The following ARL8B variants were observed in gnomAD, a reference collection of about 807,000 sequenced individuals.
ARL8B encodes ARF like GTPase 8B.
Under a neutral mutation model 30.6 loss-of-function variants are expected in ARL8B, and 9 were observed. That is an observed-to-expected ratio of 0.29 (90% confidence interval 0.18 to 0.51). The LOEUF is 0.51. Ranked by LOEUF, ARL8B falls within the 20% of genes least tolerant of loss-of-function variation. The probability of loss-of-function intolerance (pLI) is 0.97; values close to 1 mark genes in which losing one functional copy is unlikely to be tolerated. For synonymous variants in ARL8B, 74 were observed against 76.0 expected (o/e 0.97, Z 0.14); for missense variants, 130 against 227.2 (o/e 0.57, Z 2.75).
chr3:5,174,742 A>AATATATAATATATATAAATATATATT (rs2054712714), intron 6 of ARL8B, among the ~76,000 whole-genome samples: 4 of 144,970 alleles, frequency 2.8e-5, no homozygotes, highest in Non-Finnish European at 6.0e-5. Context: ...ATATATATGT[A>AATATATAATATATATAAATATATATT]ATATATAATA....
Position 5,152,705 on chromosome 3 carries a change from C to T in ARL8B, c.124-17798C>T, listed in dbSNP as rs528934280. Among the ~76,000 whole-genome samples, 52 of 152,282 alleles carry T rather than the reference C, an allele frequency of 3.4e-4. 1 individual carries two copies. The South Asian group carries it at 4.8e-3, about 14-fold the overall frequency. On this transcript the variant is annotated intron_variant, in intron 1 of 6. Transcript: ENST00000256496. The stretch of plus-strand genomic sequence containing the variant: ...CTTGCTAGGTTGCTCAGGCTGGTCT[C>T]GAACTGCTAGCCTCAAGTGATCCTC...
chr3:5,129,910 C>T (rs1268375433), intron 1 of ARL8B, among the ~76,000 whole-genome samples: 2 of 152,138 alleles, frequency 1.3e-5, no homozygotes, highest in Non-Finnish European at 2.9e-5. Context: ...ATCACCCAGG[C>T]TGTAGTATAG....
At chr3:5,170,659 T>G in intron 2 of ARL8B, 76 bp downstream of exon 2, 2 of 1,144,256 alleles carry the variant, frequency 1.7e-6, no homozygotes, top group East Asian at 5.2e-5. Flanking sequence ...AATTTCTGTG[T>G]TTTTACTGAA....
At chr3:5,153,003 T>C (rs954828866) in intron 1 of ARL8B, among the ~76,000 whole-genome samples, 2 of 152,250 alleles carry the variant, frequency 1.3e-5, no homozygotes, top group African/African-American at 2.4e-5. Flanking sequence ...TTACCTTTGC[T>C]GATTTCAGCG....
intron 1 of ARL8B, among the ~76,000 whole-genome samples, chr3:5,151,984 G>C (rs1251859589): frequency 6.6e-6 from 1 of 152,222 alleles, no homozygotes; most frequent in Admixed American, 6.5e-5. Flanking sequence ...TATCGAGACT[G>C]TAGGCATGAG....
chr3:5,128,915 A>G (rs1184894559), intron 1 of ARL8B, among the ~76,000 whole-genome samples: 1 of 152,216 alleles, frequency 6.6e-6, no homozygotes, highest in Non-Finnish European at 1.5e-5. Flanking sequence ...TTTTCTATCT[A>G]AAACATTTTT....
intron 1 of ARL8B, among the ~76,000 whole-genome samples, chr3:5,155,130 G>A (rs2054520507): frequency 6.6e-6 from 1 of 151,970 alleles, no homozygotes; most frequent in African/African-American, 2.4e-5. Context: ...TGTTTATCTG[G>A]GAATGTTTTA....
chr3:5,132,190 C>T (rs992731610), intron 1 of ARL8B, among the ~76,000 whole-genome samples: 3 of 152,090 alleles, frequency 2.0e-5, no homozygotes, highest in Non-Finnish European at 2.9e-5. Flanking sequence ...GTGCCTAAGT[C>T]CTCCCATCCT....
Position 5,179,746 on chromosome 3 carries a change from A to G in ARL8B, c.*1033A>G, listed in dbSNP as rs1246201602. On this transcript the variant is annotated 3_prime_UTR_variant, in exon 7 of 7. Transcript: ENST00000256496. ...TTTATTTTTCTCTCTTACTGATGTA[A>G]GCTTTGGCACTCTTTTGACTGGTGC... 1 of 152,518 alleles carries G rather than the reference A, an allele frequency of 6.6e-6. No individual in the cohort carries two copies. The highest frequency in any genetic ancestry group is 2.4e-5 in the African/African-American group (1 of 41,452). The allele number at this position is 152,518 out of a possible 1,614,324, so 9.4% of individuals were successfully genotyped here.
intron 1 of ARL8B, among the ~76,000 whole-genome samples, chr3:5,129,528 A>C (rs2054262930): frequency 6.6e-6 from 1 of 152,104 alleles, no homozygotes; most frequent in Non-Finnish European, 1.5e-5. Context: ...AACTGCCAAG[A>C]CTGATAACTA....
intron 1 of ARL8B, among the ~76,000 whole-genome samples, chr3:5,129,180 T>TTTTGTG (rs1559274593): frequency 9.9e-5 from 15 of 151,426 alleles, no homozygotes; most frequent in African/African-American, 3.7e-4. Context: ...TGTTTTTTGT[T>TTTTGTG]TTTTGTTTTT....
chr3:5,137,875 A>G (rs1004947632), intron 1 of ARL8B, among the ~76,000 whole-genome samples: 39 of 152,176 alleles, frequency 2.6e-4, no homozygotes, highest in Non-Finnish European at 4.3e-4. Context: ...GGCACGAGCC[A>G]CTGTGCCTAG....
intron 1 of ARL8B, among the ~76,000 whole-genome samples, chr3:5,144,351 C>G (rs1300882839): frequency 6.6e-6 from 1 of 152,058 alleles, no homozygotes; most frequent in Non-Finnish European, 1.5e-5. Context: ...TCTGGGAGGT[C>G]TTCCTCCTGT....
intron 1 of ARL8B, chr3:5,128,608 G>A: frequency 3.5e-6 from 1 of 288,072 alleles, no homozygotes; most frequent in Non-Finnish European, 6.9e-6. Flanking sequence ...TACTGAACAT[G>A]GATACAAAAT....
At chr3:5,153,082 A>C (rs1028651437) in intron 1 of ARL8B, among the ~76,000 whole-genome samples, 4 of 152,240 alleles carry the variant, frequency 2.6e-5, no homozygotes, top group Middle Eastern at 3.4e-3. Flanking sequence ...GTTCTTCTAG[A>C]GTTTACAAGT....
intron 6 of ARL8B, among the ~76,000 whole-genome samples, chr3:5,176,997 T>C (rs2054735604): frequency 6.6e-6 from 1 of 152,222 alleles, no homozygotes; most frequent in Non-Finnish European, 1.5e-5. Context: ...ATGTCAGTTG[T>C]GGCAAGGTTG....
chr3:5,177,217 T>C (rs2054737833), intron 6 of ARL8B, among the ~76,000 whole-genome samples: 1 of 152,218 alleles, frequency 6.6e-6, no homozygotes, highest in African/African-American at 2.4e-5. Flanking sequence ...TATAGTTGGC[T>C]AAATAGCTCA....
chr3:5,136,177 TCACCGCAG>T (rs2054324263), intron 1 of ARL8B, among the ~76,000 whole-genome samples: 1 of 152,126 alleles, frequency 6.6e-6, no homozygotes, highest in Admixed American at 6.6e-5. Flanking sequence ...TGATCTTGGC[TCACCGCAG>T]CCTCTGCCTC....
At chr3:5,173,672 G>T (rs894050500) in intron 4 of ARL8B, among the ~76,000 whole-genome samples, 12 of 152,112 alleles carry the variant, frequency 7.9e-5, no homozygotes, top group Non-Finnish European at 1.8e-4. Context: ...GAGCCCAGTG[G>T]CTGCTGCACT....
Sources: allele counts gnomAD v4.1 joint callset (sites outside exome capture counted in the v4.1 genomes callset), GRCh38; gene constraint gnomAD v4.1.1; transcripts MANE v1.5; gene names NCBI Gene and HGNC (gene_info 2026-07-23, HGNC 2026-07-21).